The following ADARB2 variants were observed in gnomAD, a reference collection of about 807,000 sequenced individuals.
The protein encoded by ADARB2 is inactive double-stranded RNA-specific editase B2.
Under a neutral mutation model 62.2 loss-of-function variants are expected in ADARB2, and 25 were observed. That is an observed-to-expected ratio of 0.40 (90% confidence interval 0.29 to 0.56). The LOEUF is 0.56. Ranked by LOEUF, ADARB2 falls within the 20% of genes least tolerant of loss-of-function variation. ADARB2 has a pLI of 0.43. For missense variants in ADARB2, 1,071 were observed against 1,077.4 expected, an observed-to-expected ratio of 0.99 and a Z score of 0.08; for synonymous variants, 572 against 500.8, an observed-to-expected ratio of 1.14 and a Z score of -1.90.
At chr10:1,340,810 C>T (rs1185069746) in intron 3 of ADARB2, among the ~76,000 whole-genome samples, 14 of 140,276 alleles carry the variant, frequency 1.0e-4, no homozygotes, top group African/African-American at 3.3e-4. Flanking sequence ...CGCCCCACAG[C>T]GGCAATAACC....
intron 1 of ADARB2, among the ~76,000 whole-genome samples, chr10:1,651,447 G>T (rs1427915113): frequency 6.6e-6 from 1 of 152,194 alleles, no homozygotes; most frequent in Non-Finnish European, 1.5e-5. Flanking sequence ...GAGAGAGGGG[G>T]CAGCACCCCC....
At chr10:1,571,012 G>T (rs577889730) in intron 1 of ADARB2, among the ~76,000 whole-genome samples, 1 of 152,276 alleles carries the variant, frequency 6.6e-6, no homozygotes, top group East Asian at 1.9e-4. Flanking sequence ...ACCTGTCATT[G>T]GGTCTTCCAG....
At chr10:1,688,510 A>G (rs1233601795) in intron 1 of ADARB2, among the ~76,000 whole-genome samples, 1 of 152,222 alleles carries the variant, frequency 6.6e-6, no homozygotes, top group Non-Finnish European at 1.5e-5. Context: ...TCTCACTGAG[A>G]TCTGCACCAA....
At chr10:1,262,541 T>C (rs1442110115) in intron 4 of ADARB2, among the ~76,000 whole-genome samples, 1 of 147,072 alleles carries the variant, frequency 6.8e-6, no homozygotes, top group Non-Finnish European at 1.5e-5. Context: ...AAAATGCTCA[T>C]CATCACTGGC....
At chr10:1,431,422 G>A (rs1029476192) in intron 1 of ADARB2, among the ~76,000 whole-genome samples, 9 of 152,130 alleles carry the variant, frequency 5.9e-5, no homozygotes, top group Admixed American at 2.6e-4. Context: ...GTGTTAAGAC[G>A]CAGCTAAAGC....
intron 3 of ADARB2, among the ~76,000 whole-genome samples, chr10:1,276,589 C>G (rs928031678): frequency 6.6e-6 from 1 of 152,176 alleles, no homozygotes; most frequent in Non-Finnish European, 1.5e-5. Context: ...AATACAGGAG[C>G]ACCCAGATTC....
At position 1,345,638 on chromosome 10, in the gene ADARB2, TC is replaced by T. The variant is rs1216409416; in HGVS notation, c.1077+17389del. On this transcript the variant is annotated intron_variant, in intron 3 of 9. Transcript: ENST00000381312. ...TGGACAGAAGGGCTGCTGCTGTGTTTCCCCCCGTGACTCTGATAGTGAGGAC... is the reference window on the plus strand; with the variant it reads ...TGGACAGAAGGGCTGCTGCTGTGTTTCCCCCGTGACTCTGATAGTGAGGAC... Among the ~76,000 whole-genome samples the T allele has an allele frequency of 1.1e-4, 17 of 152,192 alleles. No individual in the cohort carries two copies. The East Asian group carries it at 3.3e-3, about 29-fold the overall frequency.
chr10:1,537,853 C>T (rs150159145), intron 1 of ADARB2, among the ~76,000 whole-genome samples: 181 of 152,258 alleles, frequency 1.2e-3, no homozygotes, highest in African/African-American at 3.3e-3. Flanking sequence ...AGGACAAATA[C>T]CTAATGCATG....
At chr10:1,640,310 C>T (rs1361703631) in intron 1 of ADARB2, among the ~76,000 whole-genome samples, 1 of 152,166 alleles carries the variant, frequency 6.6e-6, no homozygotes, top group Non-Finnish European at 1.5e-5. Flanking sequence ...TTAATAGGGA[C>T]ACACTAGGGA....
chr10:1,693,306 C>T (rs1289288583), intron 1 of ADARB2, among the ~76,000 whole-genome samples: 1 of 152,048 alleles, frequency 6.6e-6, no homozygotes, highest in Non-Finnish European at 1.5e-5. Flanking sequence ...GTCAAGGCCG[C>T]CATGTCTAGC....
chr10:1,409,383 C>T (rs1588247621), intron 1 of ADARB2, among the ~76,000 whole-genome samples: 2 of 152,256 alleles, frequency 1.3e-5, no homozygotes, highest in Admixed American at 6.5e-5. Flanking sequence ...CCACCTGAAC[C>T]CCATCTGCGT....
At chr10:1,552,452 AG>A (rs1269122936) in intron 1 of ADARB2, among the ~76,000 whole-genome samples, 1 of 152,250 alleles carries the variant, frequency 6.6e-6, no homozygotes, top group African/African-American at 2.4e-5. Context: ...CGGAGGGAGC[AG>A]GATCTGTGTG....
Position 1,277,276 on chromosome 10 carries a change from T to G in ADARB2, c.1078-6207A>C, listed in dbSNP as rs534350347. 5.9e-5 allele frequency among the ~76,000 whole-genome samples: 9 copies of G among 151,938 alleles called. No individual in the cohort carries two copies. The South Asian group carries it at 8.4e-4, about 14-fold the overall frequency. ...AAGATCAGAGCAGAACTGAAGGAAA[T>G]AGAGACACAAAAAACCCTTCAAAAA... On this transcript the variant is annotated intron_variant, in intron 3 of 9. Transcript: ENST00000381312.
At chr10:1,666,884 G>A (rs946699855) in intron 1 of ADARB2, among the ~76,000 whole-genome samples, 14 of 152,160 alleles carry the variant, frequency 9.2e-5, no homozygotes, top group Admixed American at 7.2e-4. Context: ...TTGACCAAGG[G>A]TTTTGTAGAC....
intron 3 of ADARB2, among the ~76,000 whole-genome samples, chr10:1,278,404 T>C (rs867577126): frequency 1.4e-4 from 22 of 151,948 alleles, no homozygotes; most frequent in Middle Eastern, 3.4e-3. Context: ...CAGTACTTGG[T>C]AGTTAGTTTC....
chr10:1,578,662 A>AAC (rs142639523), intron 1 of ADARB2, among the ~76,000 whole-genome samples: 107,076 of 144,962 alleles, frequency 0.74, 38,074 homozygotes, highest in African/African-American at 0.76. Flanking sequence ...TGTTACCCCA[A>AAC]ACACACACAC....
intron 1 of ADARB2, chr10:1,678,449 A>G: frequency 1.6e-6 from 1 of 612,996 alleles, no homozygotes; most frequent in Non-Finnish European, 2.0e-6. Flanking sequence ...TAACGAACAC[A>G]GGGTCACACT....
At chr10:1,212,252 G>A (rs537309565) in intron 7 of ADARB2, among the ~76,000 whole-genome samples, 11 of 152,322 alleles carry the variant, frequency 7.2e-5, no homozygotes, top group Non-Finnish European at 1.3e-4. Context: ...GAACACATAC[G>A]TTATCAGATG....
chr10:1,639,092 C>T (rs1401466476), intron 1 of ADARB2, among the ~76,000 whole-genome samples: 1 of 152,226 alleles, frequency 6.6e-6, no homozygotes, highest in Admixed American at 6.5e-5. Context: ...CATGCTGTGG[C>T]CATCTCCTAA....
Sources: gnomAD v4.1 joint callset for allele counts (sites outside exome capture counted in the v4.1 genomes callset) on GRCh38, gnomAD v4.1.1 for gene constraint, MANE v1.5 for transcripts, NCBI Gene and HGNC (gene_info 2026-07-23, HGNC 2026-07-21) for gene names.